ABTB2: variants seen among roughly 807,000 people sequenced by gnomAD.
The protein encoded by ABTB2 is ankyrin repeat and BTB domain containing 2.
Under a neutral mutation model 104.1 loss-of-function variants are expected in ABTB2, and 56 were observed. That is an observed-to-expected ratio of 0.54 (90% CI 0.43 to 0.67). The LOEUF is 0.67. ABTB2 is among the 30% of genes least tolerant of loss of function. The pLI, the probability that ABTB2 is intolerant of heterozygous loss-of-function variation, is 0.00. For synonymous variants in ABTB2, 606 were observed against 608.2 expected (o/e 1.00, Z 0.05); for missense variants, 1,279 against 1,407.7 (o/e 0.91, Z 1.46).
chr11:34,181,132 T>C (rs1381628190), intron 3 of ABTB2, among the ~76,000 whole-genome samples: 4 of 152,144 alleles, frequency 2.6e-5, no homozygotes, highest in Admixed American at 2.0e-4. Context: ...CTCAATCTCT[T>C]GACCTCCTGA....
chr11:34,340,842 G>A lies in ABTB2; in HGVS notation c.883+15859C>T, dbSNP rs80171967. Among the ~76,000 whole-genome samples, 864 of 152,286 alleles carry A rather than the reference G, an allele frequency of 5.7e-3. 10 individuals carry two copies. Among genetic ancestry groups the A allele is most frequent in the African/African-American group, 0.019 (809 of 41,544 alleles). On this transcript the variant is annotated intron_variant, in intron 1 of 16. Transcript: ENST00000435224. ...TGGAAGAAACAGTCCCTGAATGAAA[G>A]CTCAGAAGACCTCCTAGTTCAAACA...
chr11:34,223,201 G>A (rs77352734), intron 1 of ABTB2, among the ~76,000 whole-genome samples: 1 of 152,236 alleles, frequency 6.6e-6, no homozygotes, highest in East Asian at 1.9e-4. Context: ...AGGACCGAGT[G>A]GAAACAGTGA....
rs1565127372 is a variant in ABTB2 at position 34,160,041 on chromosome 11, TGAG to T, written c.2504-36_2504-34del. The T allele has an allele frequency of 2.6e-6, 4 of 1,564,568 alleles. No homozygotes were observed. In the East Asian group the frequency reaches 6.7e-5, roughly 26 times the overall value. On this transcript the variant is annotated intron_variant, in intron 12 of 16. Transcript: ENST00000435224. ...AAGCGGGGAGACAGAGGGATATGGC[TGAG>T]GAGTCCCCTGCTGGGGTTTGCTTGA...
chr11:34,157,594 G>A (rs1852647786), intron 14 of ABTB2, among the ~76,000 whole-genome samples: 1 of 152,176 alleles, frequency 6.6e-6, no homozygotes, highest in Admixed American at 6.5e-5. Context: ...CCACTCACCT[G>A]GACATGTTCC....
chr11:34,225,856 T>C (rs914602653), intron 1 of ABTB2, among the ~76,000 whole-genome samples: 1 of 152,082 alleles, frequency 6.6e-6, no homozygotes, highest in South Asian at 2.1e-4. Context: ...CTGTGTTACA[T>C]GAGTGCTTTG....
chr11:34,271,522 T>A (rs1356745416), intron 1 of ABTB2, among the ~76,000 whole-genome samples: 1 of 152,124 alleles, frequency 6.6e-6, no homozygotes, highest in Non-Finnish European at 1.5e-5. Flanking sequence ...GAGGATTGCT[T>A]GAGCTCAGGA....
chr11:34,300,132 C>T (rs375517150), intron 1 of ABTB2, among the ~76,000 whole-genome samples: 53 of 152,132 alleles, frequency 3.5e-4, no homozygotes, highest in African/African-American at 1.2e-3. Flanking sequence ...TTTAGAGGAG[C>T]TATTTTACAG....
intron 1 of ABTB2, among the ~76,000 whole-genome samples, chr11:34,235,067 T>C (rs945770569): frequency 2.0e-5 from 3 of 152,126 alleles, no homozygotes; most frequent in African/African-American, 2.4e-5. Context: ...TTCACCGTGT[T>C]AGCCAGGATG....
intron 1 of ABTB2, among the ~76,000 whole-genome samples, chr11:34,240,279 G>A (rs1048906289): frequency 1.3e-5 from 2 of 152,124 alleles, no homozygotes. Flanking sequence ...CGTCTCCATC[G>A]GCTGGTGGTG....
chr11:34,172,447 T>TAGATAGATAGATAGAC (rs1434673007), intron 4 of ABTB2, among the ~76,000 whole-genome samples: 24 of 105,792 alleles, frequency 2.3e-4, no homozygotes, highest in African/African-American at 9.6e-4. Flanking sequence ...TATAGATAGA[T>TAGATAGATAGATAGAC]AGATAGATAG....
At chr11:34,256,901 G>C (rs1854130321) in intron 1 of ABTB2, among the ~76,000 whole-genome samples, 1 of 152,202 alleles carries the variant, frequency 6.6e-6, no homozygotes, top group Admixed American at 6.5e-5. Flanking sequence ...CAGCTGCAAG[G>C]ATGAGACAGA....
intron 1 of ABTB2, among the ~76,000 whole-genome samples, chr11:34,302,248 T>G (rs978308538): frequency 6.6e-5 from 10 of 152,250 alleles, no homozygotes; most frequent in Non-Finnish European, 1.3e-4. Flanking sequence ...TTACATTTCC[T>G]TCAAAGATGT....
At position 34,357,687 on chromosome 11, in the gene ABTB2, T is replaced by C; in HGVS notation, c.-104A>G. Reference sequence around the variant, plus strand: ...AAGCTCTAGGCCCTCCGGGCCACCCTCCTTCCTCTCTGCGTCGCGGGGCTC... The same window carrying C: ...AAGCTCTAGGCCCTCCGGGCCACCCCCCTTCCTCTCTGCGTCGCGGGGCTC... On this transcript the variant is annotated 5_prime_UTR_variant, in exon 1 of 17. Coordinates refer to ENST00000435224, the MANE Select transcript of ABTB2 (RefSeq NM_145804.3). The C allele has an allele frequency of 8.3e-7, 1 of 1,211,634 alleles. No individual in the cohort carries two copies. The highest frequency in any genetic ancestry group is 2.2e-5 in the South Asian group (1 of 46,286). 75.1% of individuals were successfully genotyped at this position (1,211,634 alleles called of 1,614,324 possible).
intron 1 of ABTB2, among the ~76,000 whole-genome samples, chr11:34,295,737 C>T (rs938231411): frequency 2.0e-5 from 3 of 152,192 alleles, no homozygotes; most frequent in African/African-American, 7.2e-5. Flanking sequence ...AGGGTGCCAG[C>T]ATGGCTGGGT....
chr11:34,179,176 A>G (rs1852993999), intron 3 of ABTB2, among the ~76,000 whole-genome samples: 1 of 152,152 alleles, frequency 6.6e-6, no homozygotes, highest in African/African-American at 2.4e-5. Flanking sequence ...ATTAAAACTG[A>G]GAAAATGTTA....
At chr11:34,163,489 A>T (rs1852752195) in intron 9 of ABTB2, among the ~76,000 whole-genome samples, 1 of 152,090 alleles carries the variant, frequency 6.6e-6, no homozygotes, top group South Asian at 2.1e-4. Flanking sequence ...GCTCAAGGCC[A>T]CTCCAGGTGG....
intron 1 of ABTB2, among the ~76,000 whole-genome samples, chr11:34,214,006 T>C (rs1013315169): frequency 2.0e-5 from 3 of 152,190 alleles, no homozygotes; most frequent in Non-Finnish European, 4.4e-5. Flanking sequence ...ACTGCCTCTT[T>C]GAAAAGAACA....
At chr11:34,233,345 T>TG (rs1242718804) in intron 1 of ABTB2, among the ~76,000 whole-genome samples, 73 of 151,364 alleles carry the variant, frequency 4.8e-4, no homozygotes, top group Non-Finnish European at 9.4e-4. Context: ...TTTTTTTTTT[T>TG]TGAGACAGAG....
At chr11:34,175,968 TTC>T (rs1417122093) in intron 3 of ABTB2, among the ~76,000 whole-genome samples, 3 of 152,060 alleles carry the variant, frequency 2.0e-5, no homozygotes, top group Admixed American at 6.5e-5. Context: ...CCTTCCCAGA[TTC>T]TCTCTCCCCA....
Sources: allele counts gnomAD v4.1 joint callset (sites outside exome capture counted in the v4.1 genomes callset), GRCh38; gene constraint gnomAD v4.1.1; transcripts MANE v1.5; gene names NCBI Gene and HGNC (gene_info 2026-07-23, HGNC 2026-07-21).